The following RYR3 variants were observed in gnomAD, a reference collection of about 807,000 sequenced individuals.
RYR3 encodes ryanodine receptor 3.
Under a neutral mutation model 584.3 loss-of-function variants are expected in RYR3, and 207 were observed. The ratio of observed to expected loss-of-function variants is 0.35; its 90% confidence interval spans 0.32 to 0.40. The LOEUF (loss-of-function observed/expected upper bound fraction) is 0.40, where lower values mean the gene tolerates loss of function less well. Among genes scored for constraint, RYR3 ranks in the 10% least tolerant of loss-of-function variants. RYR3 has a pLI of 1.00. For synonymous variants in RYR3, 2,416 were observed against 2,248.5 expected (o/e 1.07, Z -2.11); for missense variants, 5,616 against 6,089.2 (o/e 0.92, Z 2.59).
chr15:33,635,887 A>G, intron 26 of RYR3, 68 bp downstream of exon 26: 2 of 1,373,132 alleles, frequency 1.5e-6, no homozygotes, highest in South Asian at 2.5e-5. Context: ...ATTTTTCTGG[A>G]AGCTCAAATT....
intron 1 of RYR3, among the ~76,000 whole-genome samples, chr15:33,328,630 C>T (rs143307683): frequency 2.6e-5 from 4 of 152,156 alleles, no homozygotes; most frequent in African/African-American, 9.7e-5. Context: ...TTAGTTAAGA[C>T]TGATTTGTAA....
At chr15:33,619,896 T>A (rs2060631183) in intron 19 of RYR3, among the ~76,000 whole-genome samples, 1 of 152,174 alleles carries the variant, frequency 6.6e-6, no homozygotes, top group Admixed American at 6.5e-5. Flanking sequence ...AGTTGCTGCC[T>A]CTTTCTTTTC....
intron 64 of RYR3, among the ~76,000 whole-genome samples, chr15:33,778,142 C>T (rs892567444): frequency 1.4e-5 from 2 of 146,272 alleles, no homozygotes; most frequent in African/African-American, 4.9e-5. Context: ...TGTACTCCAG[C>T]CTGGGCGACA....
chr15:33,756,389 C>T lies in RYR3; in HGVS notation c.8583+16C>T, dbSNP rs1459407711. The T allele has an allele frequency of 3.9e-6, 6 of 1,543,892 alleles. No homozygotes were observed. The highest frequency in any genetic ancestry group is 3.8e-5 in the Admixed American group (2 of 52,082). On this transcript the variant is annotated intron_variant, in intron 59 of 103. Transcript: ENST00000634891. ...CTTTGCCAAAGTAAGTGGCCCTGCA[C>T]TTAATCAAATTACTTTCTTCTTAGG...
intron 103 of RYR3, 48 bp from the exon 104 acceptor site, chr15:33,865,083 C>T (rs1201366321): frequency 6.7e-7 from 1 of 1,483,710 alleles, no homozygotes; most frequent in Non-Finnish European, 9.4e-7. Flanking sequence ...TGGGTTTTAG[C>T]TTTTACTGTG....
chr15:33,351,780 A>G (rs1167187089), intron 1 of RYR3, among the ~76,000 whole-genome samples: 4 of 151,424 alleles, frequency 2.6e-5, no homozygotes, highest in Admixed American at 2.0e-4. Flanking sequence ...ACAGCTATCT[A>G]TGACAAACCC....
rs374937868 is a variant in RYR3 at position 33,738,516 on chromosome 15, G to A, written c.7582G>A (p.Gly2528Arg). The part of the protein sequence containing the change: ...YCLPSGWGSY[G>R]LAVEEELHLT... ...CCTGCCTTCAGGATGGGGGAGCTACGGGCTAGCTGTGGAAGAAGAGCTGCA... is the reference window on the plus strand; with the variant it reads ...CCTGCCTTCAGGATGGGGGAGCTACAGGCTAGCTGTGGAAGAAGAGCTGCA... The change falls in exon 50 of 104, where the codon GGG becomes AGG. Residue 2528 changes from glycine (G) to arginine (R), a missense_variant. Transcript: ENST00000634891. 40 of 1,613,836 alleles carry A rather than the reference G, an allele frequency of 2.5e-5. No individual in the cohort carries two copies. Among genetic ancestry groups the A allele is most frequent in the African/African-American group, 5.3e-5 (4 of 74,914 alleles).
chr15:33,827,136 A>G, intron 84 of RYR3, 63 bp from the exon 85 acceptor site: 5 of 1,271,754 alleles, frequency 3.9e-6, no homozygotes, highest in Non-Finnish European at 5.6e-6. Context: ...CTCAGCTGAG[A>G]GGGCATGCTT....
intron 27 of RYR3, among the ~76,000 whole-genome samples, chr15:33,641,145 T>C (rs2061802073): frequency 6.6e-6 from 1 of 152,210 alleles, no homozygotes; most frequent in South Asian, 2.1e-4. Flanking sequence ...GGAAAATCAT[T>C]TGAAAAGCAA....
chr15:33,543,578 A>G (rs2056003556), intron 7 of RYR3, 44 bp from the exon 8 acceptor site: 2 of 1,265,980 alleles, frequency 1.6e-6, no homozygotes. Flanking sequence ...CATTCTCTTC[A>G]TTAAACTTCC....
intron 73 of RYR3, 144 bp downstream of exon 73, chr15:33,813,138 G>A (rs761848521): frequency 3.5e-5 from 36 of 1,019,396 alleles, no homozygotes; most frequent in East Asian, 7.6e-5. Context: ...TCACCCCCAC[G>A]TGCCATCTCG....
intron 3 of RYR3, among the ~76,000 whole-genome samples, chr15:33,515,904 G>T (rs533923284): frequency 3.4e-4 from 52 of 152,216 alleles, no homozygotes; most frequent in Admixed American, 5.9e-4. Context: ...GTGTGTGTGT[G>T]CATAATAGAT....
chr15:33,795,149 C>T (rs1567187470), intron 67 of RYR3, among the ~76,000 whole-genome samples: 3 of 152,208 alleles, frequency 2.0e-5, no homozygotes, highest in South Asian at 4.1e-4. Context: ...TTTTTCTCAT[C>T]ATATTAAACC....
At position 33,725,180 on chromosome 15, in the gene RYR3, C is replaced by CACACATATAT. The variant is rs1555427024; in HGVS notation, c.6912+1009_6912+1010insTATATACACA. On this transcript the variant is annotated intron_variant, in intron 45 of 103. Coordinates refer to ENST00000634891, the MANE Select transcript of RYR3 (RefSeq NM_001036.6). ...ACACACACACACACACACACACACA[C>CACACATATAT]ACACACACACACACACACACACATA... is the stretch of plus-strand genomic sequence containing the variant. Among the ~76,000 whole-genome samples the CACACATATAT allele has an allele frequency of 1.8e-3, 259 of 143,896 alleles. 3 individuals are homozygous for CACACATATAT. The highest frequency in any genetic ancestry group is 3.3e-3 in the Non-Finnish European group (218 of 65,258). The allele number at this position is 143,896 out of a possible 152,430, so 94.4% of individuals were successfully genotyped here.
Position 33,748,330 on chromosome 15 carries a change from T to TGGGGCATCGTAGGTG in RYR3, c.8136+73_8136+87dup, listed in dbSNP as rs1484670460. 26 of 1,576,704 alleles carry TGGGGCATCGTAGGTG rather than the reference T, an allele frequency of 1.6e-5. No individual in the cohort carries two copies. The African/African-American group carries it at 3.1e-4, about 19-fold the overall frequency. On this transcript the variant is annotated intron_variant, in intron 54 of 103. Transcript: ENST00000634891. The stretch of plus-strand genomic sequence containing the variant: ...ATGGAGAATCTGGGAATGTTCTGCC[T>TGGGGCATCGTAGGTG]GGGGCATCGTAGGTGGGACCATCTA...
chr15:33,762,877 G>C (rs539170175), intron 60 of RYR3, among the ~76,000 whole-genome samples: 1 of 152,264 alleles, frequency 6.6e-6, no homozygotes, highest in African/African-American at 2.4e-5. Flanking sequence ...ATGCTACAAG[G>C]CTACAGTAAC....
intron 1 of RYR3, among the ~76,000 whole-genome samples, chr15:33,386,581 G>A (rs1244372581): frequency 6.6e-6 from 1 of 152,182 alleles, no homozygotes; most frequent in Non-Finnish European, 1.5e-5. Context: ...CAGGTGTACA[G>A]TTCAATATTG....
chr15:33,379,687 C>CTCTCTATATATATATATATA, intron 1 of RYR3, among the ~76,000 whole-genome samples: 4 of 125,512 alleles, frequency 3.2e-5, no homozygotes, highest in African/African-American at 1.4e-4. Flanking sequence ...CTCTCTCTCT[C>CTCTCTATATATATATATATA]TATATATATA....
At chr15:33,763,892 CAAAAA>C (rs796878162) in intron 60 of RYR3, among the ~76,000 whole-genome samples, 981 of 45,854 alleles carry the variant, frequency 0.021, 10 homozygotes, top group African/African-American at 0.083. Context: ...GACTTCATCT[CAAAAA>C]AAAAAAAAAA....
Sources: allele counts gnomAD v4.1 joint callset (sites outside exome capture counted in the v4.1 genomes callset), GRCh38; gene constraint gnomAD v4.1.1; transcripts MANE v1.5; gene names NCBI Gene and HGNC (gene_info 2026-07-23, HGNC 2026-07-21).